The following SYN3 variants were observed in gnomAD, a reference collection of about 807,000 sequenced individuals.
SYN3 encodes synapsin-3.
In SYN3, 35 loss-of-function variants were observed where a neutral mutation model predicts 65.8. That is an observed-to-expected ratio of 0.53 (90% CI 0.41 to 0.70). The LOEUF is 0.70. Ranked by LOEUF, SYN3 falls within the 30% of genes least tolerant of loss-of-function variation. SYN3 has a pLI of 0.00. For missense variants in SYN3, 680 were observed against 749.0 expected (o/e 0.91, Z 1.08); for synonymous variants, 270 against 292.9 (o/e 0.92, Z 0.80).
chr22:32,662,858 T>C (rs1437188351), intron 6 of SYN3, among the ~76,000 whole-genome samples: 1 of 152,220 alleles, frequency 6.6e-6, no homozygotes, highest in East Asian at 1.9e-4. Flanking sequence ...GATAGATGAA[T>C]TTTCTGTTTT....
In SYN3 at chr22:32,727,542, CT is replaced by C. The variant is rs754194936; in HGVS notation, c.712-130807del. ...GGGGTTGCTGGGTCAAATGGTATTT[CT>C]GCCTCCAGGTTTTTGAAGAATTGCC... On this transcript the variant is annotated intron_variant, in intron 6 of 13. Coordinates refer to ENST00000358763, the MANE Select transcript of SYN3 (RefSeq NM_003490.4). 1.1e-4 allele frequency among the ~76,000 whole-genome samples: 17 copies of C among 152,314 alleles called. No individual in the cohort carries two copies. In the East Asian group the frequency reaches 3.3e-3, roughly 29 times the overall value.
At chr22:32,798,526 C>G (rs1602172564) in intron 6 of SYN3, among the ~76,000 whole-genome samples, 1 of 152,182 alleles carries the variant, frequency 6.6e-6, no homozygotes, top group East Asian at 1.9e-4. Context: ...ATGAACTCAC[C>G]TTTCCTAGAA....
rs1002838559 is a variant in SYN3 at position 32,520,215 on chromosome 22, G to A, written c.1319-1881C>T. 7.9e-5 allele frequency among the ~76,000 whole-genome samples: 12 copies of A among 152,060 alleles called. No individual in the cohort carries two copies. In the East Asian group the frequency reaches 1.3e-3, roughly 17 times the overall value. ...TAGAGTGCAGTGGCATGGTCACACC[G>A]CAGCAGTGAACCCCTGGGCTGAAGC... On this transcript the variant is annotated intron_variant, in intron 12 of 13. Transcript: ENST00000358763.
chr22:32,548,013 T>C (rs1167283455), intron 7 of SYN3, among the ~76,000 whole-genome samples: 1 of 152,150 alleles, frequency 6.6e-6, no homozygotes, highest in East Asian at 1.9e-4. Flanking sequence ...TGTGCACAAG[T>C]CATTCTTTCC....
intron 6 of SYN3, among the ~76,000 whole-genome samples, chr22:32,717,550 G>C (rs2061055716): frequency 6.6e-6 from 1 of 152,156 alleles, no homozygotes; most frequent in African/African-American, 2.4e-5. Flanking sequence ...CTCAGCCTCT[G>C]AGGTGGCTCT....
chr22:32,727,534 T>C (rs1025354853), intron 6 of SYN3, among the ~76,000 whole-genome samples: 12 of 152,230 alleles, frequency 7.9e-5, no homozygotes, highest in Non-Finnish European at 1.3e-4. Flanking sequence ...CTGGGTCAAA[T>C]GGTATTTCTG....
chr22:32,639,984 T>C (rs2059872955), intron 6 of SYN3, among the ~76,000 whole-genome samples: 1 of 152,258 alleles, frequency 6.6e-6, no homozygotes, highest in South Asian at 2.1e-4. Flanking sequence ...ATGCTCTTGC[T>C]GCCACTCCTT....
intron 4 of SYN3, among the ~76,000 whole-genome samples, chr22:32,902,336 G>A (rs1421403718): frequency 6.6e-6 from 1 of 152,248 alleles, no homozygotes; most frequent in Non-Finnish European, 1.5e-5. Context: ...CTAAGCACAA[G>A]TGAGCAGTAA....
chr22:33,015,124 G>C (rs558399472), intron 1 of SYN3: 2 of 182,238 alleles, frequency 1.1e-5, no homozygotes, highest in South Asian at 2.4e-4. Flanking sequence ...GGGAGGCTGA[G>C]GCAGGAGAAT....
chr22:32,763,683 G>T (rs1569205811), intron 6 of SYN3, among the ~76,000 whole-genome samples: 1 of 152,154 alleles, frequency 6.6e-6, no homozygotes, highest in Admixed American at 6.5e-5. Flanking sequence ...CTGGGAGTCT[G>T]ACAGGTGAAG....
chr22:32,648,603 CT>C (rs2060017573), intron 6 of SYN3, among the ~76,000 whole-genome samples: 1 of 152,202 alleles, frequency 6.6e-6, no homozygotes, highest in Non-Finnish European at 1.5e-5. Context: ...GCATTTGAGA[CT>C]TGGCATTGTA....
chr22:32,964,288 G>A (rs1312111930), intron 3 of SYN3, among the ~76,000 whole-genome samples: 2 of 129,866 alleles, frequency 1.5e-5, no homozygotes, highest in Non-Finnish European at 3.2e-5. Flanking sequence ...TGTGGGGTGG[G>A]GGGAGGGGGG....
intron 7 of SYN3, among the ~76,000 whole-genome samples, chr22:32,552,932 C>G (rs1331138316): frequency 2.0e-5 from 3 of 152,202 alleles, no homozygotes; most frequent in Admixed American, 2.0e-4. Flanking sequence ...TTATTTCCCA[C>G]AGTTCTGGAG....
intron 3 of SYN3, among the ~76,000 whole-genome samples, chr22:32,947,743 G>A (rs1299254772): frequency 6.6e-6 from 1 of 152,288 alleles, no homozygotes; most frequent in East Asian, 1.9e-4. Flanking sequence ...CAGCATATTA[G>A]TCTTCTATTG....
intron 6 of SYN3, among the ~76,000 whole-genome samples, chr22:32,698,198 C>T (rs2060764100): frequency 6.6e-6 from 1 of 152,184 alleles, no homozygotes; most frequent in African/African-American, 2.4e-5. Context: ...GAACTCTGCA[C>T]CTCTTCACAT....
intron 7 of SYN3, among the ~76,000 whole-genome samples, chr22:32,593,239 C>T (rs544582264): frequency 9.9e-4 from 150 of 151,614 alleles, no homozygotes; most frequent in African/African-American, 3.5e-3. Flanking sequence ...AGTTTATTCT[C>T]GTCTGTGTCA....
intron 6 of SYN3, among the ~76,000 whole-genome samples, chr22:32,726,785 G>T (rs2147318324): frequency 6.6e-6 from 1 of 152,218 alleles, no homozygotes; most frequent in East Asian, 1.9e-4. Context: ...CTATTTAAGG[G>T]CAACGGTGAC....
intron 6 of SYN3, among the ~76,000 whole-genome samples, chr22:32,831,697 C>T (rs572187166): frequency 7.2e-4 from 109 of 152,296 alleles, no homozygotes; most frequent in African/African-American, 2.5e-3. Context: ...TTGGCATTAA[C>T]ACCAGGATCC....
At position 32,933,972 on chromosome 22, in the gene SYN3, G is replaced by A. The variant is rs78129176; in HGVS notation, c.370-2491C>T. Among the ~76,000 whole-genome samples, 1,169 of 152,252 alleles carry A rather than the reference G, an allele frequency of 7.7e-3. 18 individuals carry two copies. Among genetic ancestry groups the A allele is most frequent in the African/African-American group, 0.027 (1,116 of 41,528 alleles). On this transcript the variant is annotated intron_variant, in intron 3 of 13. Transcript: ENST00000358763. ...TCCCCAGATAGCATTAGAGCAAACC[G>A]GGAGTACTTACGCCTCTTGCTGTAA...
Sources: gnomAD v4.1 joint callset for allele counts (sites outside exome capture counted in the v4.1 genomes callset) on GRCh38, gnomAD v4.1.1 for gene constraint, MANE v1.5 for transcripts, NCBI Gene and HGNC (gene_info 2026-07-23, HGNC 2026-07-21) for gene names.